Variants in DNAAF4 observed in about 807,000 individuals in gnomAD.
The protein encoded by DNAAF4 is dynein assembly factor 4, axonemal.
Under a neutral mutation model 51.8 loss-of-function variants are expected in DNAAF4, and 43 were observed. The ratio of observed to expected loss-of-function variants is 0.83; its 90% CI spans 0.65 to 1.07. The LOEUF is 1.07. Ranked by LOEUF, DNAAF4 falls within the 50% of genes least tolerant of loss-of-function variation. The pLI is 0.00. For synonymous variants in DNAAF4, 194 were observed against 165.6 expected (o/e 1.17, Z -1.32); for missense variants, 581 against 493.0 (o/e 1.18, Z -1.69).
chr15:55,465,943 G>T (rs111798703), intron 5 of DNAAF4, among the ~76,000 whole-genome samples: 6,122 of 152,114 alleles, frequency 0.04, 411 homozygotes, highest in African/African-American at 0.14. Flanking sequence ...GGGACTAGGG[G>T]GGAAGGGTGC....
downstream of DNAAF4, among the ~76,000 whole-genome samples, chr15:55,428,484 CTTTTTTTTTTTTT>C (rs747325376): frequency 9.4e-5 from 8 of 85,012 alleles, no homozygotes; most frequent in African/African-American, 2.5e-4. Flanking sequence ...TCTTTTTTTT[CTTTTTTTTTTTTT>C]TTTTTTTTTT....
At chr15:55,422,926 G>C (rs2057400175) in intron 7 of DNAAF4, among the ~76,000 whole-genome samples, 1 of 151,988 alleles carries the variant, frequency 6.6e-6, no homozygotes, top group Non-Finnish European at 1.5e-5. Flanking sequence ...GAACCCAGGA[G>C]GCAGAGTTTG....
chr15:55,503,242 G>C (rs1451827251), intron 1 of DNAAF4, among the ~76,000 whole-genome samples: 23 of 152,250 alleles, frequency 1.5e-4, no homozygotes, highest in Non-Finnish European at 2.4e-4. Flanking sequence ...TTGAATCTCT[G>C]AACAGACCAA....
At chr15:55,459,994 G>A (rs2439046) in intron 5 of DNAAF4, among the ~76,000 whole-genome samples, 75,545 of 151,628 alleles carry the variant, frequency 0.5, 20,570 homozygotes, top group East Asian at 0.89. Flanking sequence ...GAGCCACTGC[G>A]CCTAGCCAGG....
At chr15:55,473,253 ATATATATGTG>A (rs1477418424) in intron 4 of DNAAF4, among the ~76,000 whole-genome samples, 4 of 139,152 alleles carry the variant, frequency 2.9e-5, no homozygotes, top group Admixed American at 7.5e-5. Flanking sequence ...ATGTGTGTGT[ATATATATGTG>A]TATATATGTG....
chr15:55,419,850 A>C (rs2141378786), intron 7 of DNAAF4, among the ~76,000 whole-genome samples: 1 of 152,176 alleles, frequency 6.6e-6, no homozygotes, highest in South Asian at 2.1e-4. Context: ...AGATACAAAA[A>C]AATTAGCTGG....
At chr15:55,430,979 T>C (rs901596171) in intron 9 of DNAAF4, among the ~76,000 whole-genome samples, 200 bp from the exon 10 acceptor site, 6 of 152,246 alleles carry the variant, frequency 3.9e-5, no homozygotes, top group South Asian at 2.1e-4. Context: ...AGTGGCATGA[T>C]CTCGGCTCAC....
chr15:55,492,319 G>A (rs2058586165), intron 3 of DNAAF4, among the ~76,000 whole-genome samples: 1 of 151,738 alleles, frequency 6.6e-6, no homozygotes, highest in South Asian at 2.1e-4. Flanking sequence ...AAACTTGAGG[G>A]GAAGACAAAG....
chr15:55,496,714 AC>A (rs1332784533), intron 3 of DNAAF4, among the ~76,000 whole-genome samples: 1 of 151,970 alleles, frequency 6.6e-6, no homozygotes, highest in Non-Finnish European at 1.5e-5. Context: ...CTGCTGAAGC[AC>A]TGTATCACTT....
chr15:55,476,998 C>T (rs1449681210), intron 4 of DNAAF4, among the ~76,000 whole-genome samples: 1 of 152,044 alleles, frequency 6.6e-6, no homozygotes, highest in Non-Finnish European at 1.5e-5. Context: ...TGGTGAAACC[C>T]CGTCTCTACT....
At chr15:55,437,597 TAA>T (rs1482704523) in intron 7 of DNAAF4, among the ~76,000 whole-genome samples, 1 of 152,116 alleles carries the variant, frequency 6.6e-6, no homozygotes, top group African/African-American at 2.4e-5. Flanking sequence ...GTGAATAAGT[TAA>T]AGAGTTTGAT....
chr15:55,473,317 ATGTGTG>A lies in DNAAF4; in HGVS notation c.406-6162_406-6157del, dbSNP rs1322589012. Among the ~76,000 whole-genome samples, 275 of 140,178 alleles carry A rather than the reference ATGTGTG, an allele frequency of 2.0e-3. 3 individuals are homozygous for A. The highest frequency in any genetic ancestry group is 3.1e-3 in the Non-Finnish European group (207 of 66,174). 92.0% of individuals were successfully genotyped at this position (140,178 alleles called of 152,430 possible). A position where few individuals can be genotyped will look rare whatever the true frequency, so the allele number is the denominator to read the frequency against. ...TATGTGTATATATATGTGTGTATAT[ATGTGTG>A]TATATATATGTGTGTATATATATGT... On this transcript the variant is annotated intron_variant, in intron 4 of 9. Transcript: ENST00000321149.
chr15:55,483,855 T>C (rs1281087009), intron 4 of DNAAF4, among the ~76,000 whole-genome samples: 1 of 79,628 alleles, frequency 1.3e-5, no homozygotes, highest in Non-Finnish European at 3.4e-5. Flanking sequence ...TTTTTTTTTT[T>C]TTTTTTTTTT....
chr15:55,469,853 C>T (rs544310570), intron 4 of DNAAF4, among the ~76,000 whole-genome samples: 1 of 151,948 alleles, frequency 6.6e-6, no homozygotes, highest in African/African-American at 2.4e-5. Context: ...ATTATCTACC[C>T]GGAGTTAGCA....
At chr15:55,436,228 C>T (rs982836589) in intron 7 of DNAAF4, among the ~76,000 whole-genome samples, 3 of 152,102 alleles carry the variant, frequency 2.0e-5, no homozygotes, top group Non-Finnish European at 4.4e-5. Flanking sequence ...TTCTGAGTAG[C>T]CATCCTAATG....
At chr15:55,500,542 A>G (rs1294141927) in intron 1 of DNAAF4, among the ~76,000 whole-genome samples, 1 of 152,202 alleles carries the variant, frequency 6.6e-6, no homozygotes, top group African/African-American at 2.4e-5. Context: ...TGCATGAAAG[A>G]TAATAATGTA....
chr15:55,505,858 T>C (rs1169966185), intron 1 of DNAAF4, among the ~76,000 whole-genome samples: 2 of 152,244 alleles, frequency 1.3e-5, no homozygotes, highest in African/African-American at 4.8e-5. Flanking sequence ...ATGGCACATG[T>C]ATACCTATGT....
chr15:55,424,026 G>T (rs1181607875), intron 7 of DNAAF4, among the ~76,000 whole-genome samples: 3 of 152,146 alleles, frequency 2.0e-5, no homozygotes, highest in Non-Finnish European at 2.9e-5. Context: ...GGAGGTGGAG[G>T]TTGCAGTAAG....
chr15:55,492,405 G>GC (rs1241447043), intron 3 of DNAAF4, among the ~76,000 whole-genome samples: 1 of 152,004 alleles, frequency 6.6e-6, no homozygotes, highest in East Asian at 1.9e-4. Context: ...TTTTTGTGCA[G>GC]CAGACACCTT....
Sources: allele counts gnomAD v4.1 joint callset (sites outside exome capture counted in the v4.1 genomes callset), GRCh38; gene constraint gnomAD v4.1.1; transcripts MANE v1.5; gene names NCBI Gene and HGNC (gene_info 2026-07-23, HGNC 2026-07-21).